MYCT1: variants seen among roughly 807,000 people sequenced by gnomAD.
The protein encoded by MYCT1 is MYC target 1.
In MYCT1, 12 loss-of-function variants were observed where a neutral mutation model predicts 15.0. The ratio of observed to expected loss-of-function variants is 0.80; its 90% confidence interval spans 0.51 to 1.29. The LOEUF (loss-of-function observed/expected upper bound fraction) is 1.29. Among genes scored for constraint, MYCT1 ranks in the 50% most tolerant of loss-of-function variants. The pLI, the probability that MYCT1 is intolerant of heterozygous loss-of-function variation, is 0.00. For synonymous variants in MYCT1, 104 were observed against 102.7 expected, an observed-to-expected ratio of 1.01 and a Z score of -0.07; for missense variants, 287 against 279.1, an observed-to-expected ratio of 1.03 and a Z score of -0.20.
At chr6:152,728,529 A>G (rs2099726044), downstream of MYCT1, among the ~76,000 whole-genome samples, 1 of 142,900 alleles carries the variant, frequency 7.0e-6, no homozygotes, top group Admixed American at 7.4e-5. Context: ...GAAAATGAAC[A>G]TAAAGAATTC....
Position 152,722,412 on chromosome 6 carries a change from A to C in MYCT1, c.*159A>C. Reference sequence around the variant, plus strand: ...AGTTGGACATTACAATGTAAAACACATTTTCTTCAAACACGTTTTCCCTTT... The same window carrying C: ...AGTTGGACATTACAATGTAAAACACCTTTTCTTCAAACACGTTTTCCCTTT... On this transcript the variant is annotated 3_prime_UTR_variant, in exon 2 of 2. Coordinates refer to ENST00000367245, the MANE Select transcript of MYCT1 (RefSeq NM_025107.3). The C allele has an allele frequency of 1.5e-6, 1 of 652,508 alleles. No individual in the cohort carries two copies. The highest frequency in any genetic ancestry group is 2.6e-5 in the South Asian group (1 of 38,486). The allele number at this position is 652,508 out of a possible 1,614,324, so 40.4% of individuals were successfully genotyped here. A position where few individuals can be genotyped will look rare whatever the true frequency, so the allele number is the denominator to read the frequency against.
rs756146905 is a variant in MYCT1, at chr6:152,722,286, G to A, written c.*33G>A. 10 of 1,559,036 alleles carry A rather than the reference G, an allele frequency of 6.4e-6. No individual in the cohort carries two copies. The highest frequency in any genetic ancestry group is 8.6e-6 in the Non-Finnish European group (10 of 1,159,142). ...GGCTTTTGGTTTTTGTTTCTTTCTT[G>A]TCTTGTCTTTTATTGAAAGGAAATC... On this transcript the variant is annotated 3_prime_UTR_variant, in exon 2 of 2. Coordinates refer to ENST00000367245, the MANE Select transcript of MYCT1 (RefSeq NM_025107.3).
Position 152,697,981 on chromosome 6 carries a change from C to CT in MYCT1, c.86dup (p.Asp30ArgfsTer22). 1.9e-6 allele frequency: 3 copies of CT among 1,608,132 alleles called. No homozygotes were observed. Among genetic ancestry groups the CT allele is most frequent in the South Asian group, 1.1e-5 (1 of 89,818 alleles). On this transcript the variant is annotated frameshift_variant, in exon 1 of 2. Coordinates refer to ENST00000367245, the MANE Select transcript of MYCT1 (RefSeq NM_025107.3). LOFTEE classifies it high-confidence loss of function. ...ACTACAAAGAGATAGAATCAAACTG[C>CT]TTTTTTTCGACATACTGGTTTTTCT...
At chr6:152,738,592 T>C in the MYCT1 span, among the ~76,000 whole-genome samples, 6 of 152,240 alleles carry the variant, frequency 3.9e-5, no homozygotes, top group South Asian at 1.2e-3. Flanking sequence ...CCATATTTTT[T>C]TTCCTGCTGA....
At chr6:152,706,845 A>ATGTGTGTGTGTGTGTGTGTG (rs1019981760) in intron 1 of MYCT1, among the ~76,000 whole-genome samples, 2 of 119,964 alleles carry the variant, frequency 1.7e-5, no homozygotes, top group African/African-American at 7.6e-5. Flanking sequence ...TAGAAACCAT[A>ATGTGTGTGTGTGTGTGTGTG]TATGTGTGTG....
chr6:152,716,998 T>G (rs2099723803), intron 1 of MYCT1, among the ~76,000 whole-genome samples: 1 of 152,118 alleles, frequency 6.6e-6, no homozygotes, highest in South Asian at 2.1e-4. Flanking sequence ...TTCAGTTACA[T>G]TTTCTTCTAC....
downstream of MYCT1, among the ~76,000 whole-genome samples, chr6:152,725,567 T>G (rs538448026): frequency 2.0e-5 from 3 of 152,292 alleles, no homozygotes; most frequent in East Asian, 5.8e-4. Context: ...ATCACAGGTG[T>G]GAGCCACCAT....
At chr6:152,736,562 C>T in the MYCT1 span, among the ~76,000 whole-genome samples, 1 of 152,060 alleles carries the variant, frequency 6.6e-6, no homozygotes, top group Admixed American at 6.6e-5. Flanking sequence ...AAATTGTGTA[C>T]ATCGGTGGGT....
At chr6:152,742,000 A>G in the MYCT1 span, among the ~76,000 whole-genome samples, 2 of 152,230 alleles carry the variant, frequency 1.3e-5, no homozygotes, top group African/African-American at 2.4e-5. Context: ...AAAAGACTTG[A>G]GGTCCAAACC....
chr6:152,714,234 T>C (rs1460448166), intron 1 of MYCT1, among the ~76,000 whole-genome samples: 3 of 148,538 alleles, frequency 2.0e-5, no homozygotes, highest in African/African-American at 7.3e-5. Context: ...TCGTTCCAAT[T>C]AGTATTTTAT....
intron 1 of MYCT1, among the ~76,000 whole-genome samples, chr6:152,703,755 A>G (rs1373634198): frequency 1.3e-5 from 2 of 152,002 alleles, no homozygotes; most frequent in Admixed American, 1.3e-4. Context: ...CACTGGCCCA[A>G]AAAGTTTCCA....
downstream of MYCT1, among the ~76,000 whole-genome samples, chr6:152,729,451 A>G (rs1379569155): frequency 1.3e-5 from 2 of 152,298 alleles, no homozygotes; most frequent in Middle Eastern, 3.4e-3. Context: ...GTCTGTATAC[A>G]TAAGTATGAA....
At chr6:152,718,555 A>T (rs1263239717) in intron 1 of MYCT1, among the ~76,000 whole-genome samples, 1 of 152,126 alleles carries the variant, frequency 6.6e-6, no homozygotes, top group East Asian at 1.9e-4. Context: ...CTCAATCACA[A>T]TAATAGACAA....
At chr6:152,714,974 T>A (rs1037161201) in intron 1 of MYCT1, among the ~76,000 whole-genome samples, 15 of 152,056 alleles carry the variant, frequency 9.9e-5, no homozygotes, top group African/African-American at 3.1e-4. Flanking sequence ...CCATTAAGCT[T>A]AGGGAGTAGA....
chr6:152,727,083 C>G (rs1049698422), downstream of MYCT1, among the ~76,000 whole-genome samples: 1 of 151,632 alleles, frequency 6.6e-6, no homozygotes, highest in Non-Finnish European at 1.5e-5. Context: ...TGGTGGCGGG[C>G]GCCTGTAGTC....
At chr6:152,732,208 TA>T in the MYCT1 span, among the ~76,000 whole-genome samples, 3 of 152,182 alleles carry the variant, frequency 2.0e-5, no homozygotes, top group Non-Finnish European at 2.9e-5. Flanking sequence ...AAATAAAACT[TA>T]AGAAACAATG....
chr6:152,734,537 G>T, the MYCT1 span, among the ~76,000 whole-genome samples: 1 of 152,154 alleles, frequency 6.6e-6, no homozygotes, highest in Non-Finnish European at 1.5e-5. Flanking sequence ...ATAAGAGGTG[G>T]GAGCTGCGTG....
chr6:152,706,264 A>G, intron 1 of MYCT1: 4 of 656,758 alleles, frequency 6.1e-6, no homozygotes, highest in Non-Finnish European at 1.1e-5. Flanking sequence ...AATCACTGTA[A>G]CCATCAGTTA....
chr6:152,731,475 C>T, the MYCT1 span, among the ~76,000 whole-genome samples: 1 of 152,056 alleles, frequency 6.6e-6, no homozygotes, highest in Admixed American at 6.5e-5. Flanking sequence ...CACCCGTTAA[C>T]TCGTCATTTA....
Sources: gnomAD v4.1 joint callset for allele counts (sites outside exome capture counted in the v4.1 genomes callset) on GRCh38, gnomAD v4.1.1 for gene constraint, MANE v1.5 for transcripts, NCBI Gene and HGNC (gene_info 2026-07-23, HGNC 2026-07-21) for gene names.